VAT1L: variants seen among roughly 807,000 people sequenced by gnomAD.
VAT1L encodes vesicle amine transport 1 like, also known as putative NADPH-dependent quinone oxidoreductase VAT1L.
A neutral mutation model predicts 44.1 loss-of-function variants in VAT1L; 34 were observed. The ratio of observed to expected loss-of-function variants is 0.77; its 90% CI spans 0.59 to 1.03. The LOEUF (loss-of-function observed/expected upper bound fraction) is 1.03, where lower values mean the gene tolerates loss of function less well. VAT1L is among the 50% of genes least tolerant of loss of function. The probability of loss-of-function intolerance (pLI) is 0.00; values close to 1 mark genes in which losing one functional copy is unlikely to be tolerated. For missense variants in VAT1L, 615 were observed against 538.8 expected, an observed-to-expected ratio of 1.14 and a Z score of -1.40; for synonymous variants, 253 against 202.2, an observed-to-expected ratio of 1.25 and a Z score of -2.13.
At chr16:77,856,919 G>A (rs150215266) in intron 3 of VAT1L, among the ~76,000 whole-genome samples, 4 of 152,266 alleles carry the variant, frequency 2.6e-5, no homozygotes, top group Non-Finnish European at 5.9e-5. Flanking sequence ...GTAACCTTGG[G>A]AACTTTCCTT....
rs538083254 is a variant in VAT1L, at chr16:77,851,781, T to C, written c.580-10967T>C. Reference sequence around the variant, plus strand: ...TTCGCTGAGGCTCAGAGAGATGAAGTAGCTTTCCAGAGTCACACAGCCTGT... The same window carrying C: ...TTCGCTGAGGCTCAGAGAGATGAAGCAGCTTTCCAGAGTCACACAGCCTGT... On this transcript the variant is annotated intron_variant, in intron 3 of 8. Transcript: ENST00000302536. Among the ~76,000 whole-genome samples, 7 of 152,260 alleles carry C rather than the reference T, an allele frequency of 4.6e-5. No homozygotes were observed. The East Asian group carries it at 1.4e-3, about 29-fold the overall frequency.
chr16:77,822,453 G>A (rs532350230), intron 2 of VAT1L, among the ~76,000 whole-genome samples: 2 of 152,212 alleles, frequency 1.3e-5, no homozygotes, highest in South Asian at 2.1e-4. Context: ...ACCCTCTCTG[G>A]AACAGACTGC....
chr16:77,880,943 A>T (rs1328388930), intron 6 of VAT1L, among the ~76,000 whole-genome samples: 3 of 152,116 alleles, frequency 2.0e-5, no homozygotes, highest in African/African-American at 7.2e-5. Flanking sequence ...CTTTTTTATG[A>T]CTGCATAGTA....
intron 7 of VAT1L, 47 bp from the exon 8 acceptor site, chr16:77,971,803 G>A: frequency 3.8e-6 from 6 of 1,579,310 alleles, no homozygotes; most frequent in East Asian, 2.2e-5. Flanking sequence ...TTTAACTGGG[G>A]AACATCTCGC....
At chr16:77,829,032 C>T (rs560819222) in intron 3 of VAT1L, among the ~76,000 whole-genome samples, 4 of 152,086 alleles carry the variant, frequency 2.6e-5, no homozygotes, top group Non-Finnish European at 5.9e-5. Context: ...CATTATGGCC[C>T]GCCAGCAGAG....
At chr16:77,903,193 G>A (rs918251643) in intron 7 of VAT1L, among the ~76,000 whole-genome samples, 4 of 152,086 alleles carry the variant, frequency 2.6e-5, no homozygotes, top group African/African-American at 4.8e-5. Context: ...TTACTGAACC[G>A]GAGTTTTCTC....
chr16:77,969,830 T>G (rs529058893), intron 7 of VAT1L, among the ~76,000 whole-genome samples: 1 of 151,946 alleles, frequency 6.6e-6, no homozygotes, highest in Non-Finnish European at 1.5e-5. Context: ...TGAAAACCTT[T>G]GAAAAGCAGA....
chr16:77,916,960 T>A (rs1273118804), intron 7 of VAT1L, among the ~76,000 whole-genome samples: 3 of 152,228 alleles, frequency 2.0e-5, no homozygotes, highest in African/African-American at 4.8e-5. Flanking sequence ...GGAGTTCTAA[T>A]AGACATTGTT....
intron 1 of VAT1L, among the ~76,000 whole-genome samples, chr16:77,814,195 C>G (rs774996077): frequency 6.6e-6 from 1 of 152,168 alleles, no homozygotes; most frequent in Non-Finnish European, 1.5e-5. Flanking sequence ...AAACGCTCAG[C>G]AAAAGCTAGC....
At chr16:77,936,870 T>TG (rs1488169905) in intron 7 of VAT1L, among the ~76,000 whole-genome samples, 16 of 70,312 alleles carry the variant, frequency 2.3e-4, no homozygotes, top group South Asian at 8.4e-4. Context: ...TTGTTTGGTT[T>TG]CTTGTTTGTT....
rs553219605 is a variant in VAT1L at position 77,938,981 on chromosome 16, T to G, written c.1078-32869T>G. The stretch of plus-strand genomic sequence containing the variant: ...GTGGTGTGACCCTGGATCTTCTGTC[T>G]ACTCCAGGAATGAGACTTTAAACCT... On this transcript the variant is annotated intron_variant, in intron 7 of 8. Transcript: ENST00000302536. Among the ~76,000 whole-genome samples the G allele has an allele frequency of 3.3e-5, 5 of 152,274 alleles. No individual in the cohort carries two copies. The South Asian group carries it at 1.0e-3, about 32-fold the overall frequency.
At chr16:77,821,081 A>G (rs2016445218) in intron 2 of VAT1L, among the ~76,000 whole-genome samples, 1 of 152,142 alleles carries the variant, frequency 6.6e-6, no homozygotes, top group Non-Finnish European at 1.5e-5. Context: ...GACAACGTTC[A>G]GTTACTTGTA....
At chr16:77,947,934 T>C (rs955976359) in intron 7 of VAT1L, among the ~76,000 whole-genome samples, 1 of 152,174 alleles carries the variant, frequency 6.6e-6, no homozygotes. Context: ...TAATTTCGTA[T>C]TTTTAGTAGA....
rs201963904 is a variant in VAT1L at position 77,807,685 on chromosome 16, G to A, written c.234-9236G>A. Reference sequence around the variant, plus strand: ...TGTGTCATAGTGATGACAGTGATTCGGATAGCAAGCTTATATCTGTTGAGC... The same window carrying A: ...TGTGTCATAGTGATGACAGTGATTCAGATAGCAAGCTTATATCTGTTGAGC... On this transcript the variant is annotated intron_variant, in intron 1 of 8. Transcript: ENST00000302536. 8.5e-5 allele frequency among the ~76,000 whole-genome samples: 13 copies of A among 152,048 alleles called. No individual in the cohort carries two copies. In the East Asian group the frequency reaches 1.2e-3, roughly 14 times the overall value.
At position 77,977,435 on chromosome 16, in the gene VAT1L, G is replaced by C. The variant is rs1304081672; in HGVS notation, c.1162-162G>C. ...ATCCTTATCTCAGCACCGTCTCTCA[G>C]GGTGCCCAACATATGACAGCTAATC... On this transcript the variant is annotated intron_variant, in intron 8 of 8. Transcript: ENST00000302536. Among the ~76,000 whole-genome samples the C allele has an allele frequency of 2.6e-5, 4 of 152,176 alleles. No homozygotes were observed. The South Asian group carries it at 8.3e-4, about 32-fold the overall frequency.
intron 3 of VAT1L, among the ~76,000 whole-genome samples, chr16:77,853,114 G>A (rs1182169437): frequency 6.6e-6 from 1 of 152,164 alleles, no homozygotes; most frequent in Admixed American, 6.5e-5. Context: ...GGTTTAAATT[G>A]TCATCTTCCC....
rs573555046 is a variant in VAT1L, at chr16:77,825,590, C to G, written c.579+129C>G. 140 of 1,062,544 alleles carry G rather than the reference C, an allele frequency of 1.3e-4. No homozygotes were observed. In the African/African-American group the frequency reaches 2.1e-3, roughly 16 times the overall value. 65.8% of individuals were successfully genotyped at this position (1,062,544 alleles called of 1,614,324 possible). On this transcript the variant is annotated intron_variant, in intron 3 of 8. Transcript: ENST00000302536. ...ATCACTATGGTTCTGGTAGAGTTCA[C>G]ATGGACAGCAAAGCCCATATAGATG...
At chr16:77,922,248 T>C (rs1435081658) in intron 7 of VAT1L, among the ~76,000 whole-genome samples, 2 of 152,128 alleles carry the variant, frequency 1.3e-5, no homozygotes, top group Non-Finnish European at 2.9e-5. Flanking sequence ...CGTGTACAAA[T>C]GCATGTACAA....
intron 7 of VAT1L, among the ~76,000 whole-genome samples, chr16:77,969,097 G>C (rs983974792): frequency 6.6e-6 from 1 of 152,308 alleles, no homozygotes; most frequent in African/African-American, 2.4e-5. Flanking sequence ...GGGATTACAA[G>C]CGTGAGCCAC....
Sources: gnomAD v4.1 joint callset for allele counts (sites outside exome capture counted in the v4.1 genomes callset) on GRCh38, gnomAD v4.1.1 for gene constraint, MANE v1.5 for transcripts, NCBI Gene and HGNC (gene_info 2026-07-23, HGNC 2026-07-21) for gene names.